GABRB1: variants seen among roughly 807,000 people sequenced by gnomAD.
GABRB1 encodes the protein gamma-aminobutyric acid receptor subunit beta-1.
Under a neutral mutation model 51.6 loss-of-function variants are expected in GABRB1, and 17 were observed. The observed-to-expected ratio is 0.33, with a 90% confidence interval of 0.23 to 0.49. GABRB1 has a LOEUF of 0.49. Ranked by LOEUF, GABRB1 falls within the 20% of genes least tolerant of loss-of-function variation. The pLI, the probability that GABRB1 is intolerant of heterozygous loss-of-function variation, is 0.99. For missense variants in GABRB1, 410 were observed against 600.6 expected, an observed-to-expected ratio of 0.68 and a Z score of 3.32; for synonymous variants, 247 against 218.9, an observed-to-expected ratio of 1.13 and a Z score of -1.14.
chr4:47,414,729 G>A (rs1289191548), intron 8 of GABRB1, among the ~76,000 whole-genome samples: 1 of 152,124 alleles, frequency 6.6e-6, no homozygotes, highest in African/African-American at 2.4e-5. Context: ...TGTTCTCCAT[G>A]GTAAGTCACC....
At chr4:47,419,974 C>T (rs370173029) in intron 8 of GABRB1, among the ~76,000 whole-genome samples, 32 of 152,170 alleles carry the variant, frequency 2.1e-4, no homozygotes, top group African/African-American at 7.2e-4. Flanking sequence ...TTAATAATTA[C>T]ATTCATTTTC....
chr4:47,319,976 G>T (rs960769081), intron 4 of GABRB1, 151 bp from the exon 5 acceptor site: 1 of 662,122 alleles, frequency 1.5e-6, no homozygotes, highest in African/African-American at 1.8e-5. Context: ...ATTTGTTGAC[G>T]TATAATTATT....
intron 5 of GABRB1, among the ~76,000 whole-genome samples, chr4:47,370,483 T>C (rs1395252126): frequency 9.5e-6 from 1 of 104,970 alleles, no homozygotes. Flanking sequence ...CGAGACTCCA[T>C]CTCAAAAAAA....
At chr4:47,279,053 A>G (rs542951601) in intron 4 of GABRB1, among the ~76,000 whole-genome samples, 15 of 152,180 alleles carry the variant, frequency 9.9e-5, no homozygotes, top group East Asian at 3.9e-4. Flanking sequence ...CTAAGCATAG[A>G]TAAGCCCTTG....
chr4:47,316,739 A>G (rs2109959087), intron 4 of GABRB1, among the ~76,000 whole-genome samples: 1 of 152,042 alleles, frequency 6.6e-6, no homozygotes, highest in African/African-American at 2.4e-5. Flanking sequence ...TTCTTGGCAC[A>G]GGGGTTGGGG....
chr4:47,150,646 T>TACACACAC (rs142996228), intron 3 of GABRB1, among the ~76,000 whole-genome samples: 1 of 149,032 alleles, frequency 6.7e-6, no homozygotes, highest in Non-Finnish European at 1.5e-5. Flanking sequence ...GCCACATATA[T>TACACACAC]ATACACACAC....
chr4:47,346,725 G>C (rs1264570045), intron 5 of GABRB1, among the ~76,000 whole-genome samples: 2 of 152,240 alleles, frequency 1.3e-5, no homozygotes, highest in African/African-American at 4.8e-5. Context: ...CCGTGCCAAT[G>C]CTATAGGCAG....
At chr4:47,292,443 T>G (rs1369802971) in intron 4 of GABRB1, among the ~76,000 whole-genome samples, 1 of 152,206 alleles carries the variant, frequency 6.6e-6, no homozygotes. Context: ...AAATTATAAT[T>G]GAAAATACTT....
intron 4 of GABRB1, among the ~76,000 whole-genome samples, chr4:47,234,343 C>T (rs778810015): frequency 1.3e-5 from 2 of 151,842 alleles, no homozygotes; most frequent in East Asian, 1.9e-4. Context: ...CAAAATTAGC[C>T]GGGCATGGTG....
At chr4:47,295,087 A>C (rs1481402584) in intron 4 of GABRB1, among the ~76,000 whole-genome samples, 1 of 152,186 alleles carries the variant, frequency 6.6e-6, no homozygotes, top group Non-Finnish European at 1.5e-5. Context: ...GAAAGGACAT[A>C]CACAACAAAA....
chr4:47,300,177 A>C (rs1460544676), intron 4 of GABRB1, among the ~76,000 whole-genome samples: 1 of 152,072 alleles, frequency 6.6e-6, no homozygotes, highest in Non-Finnish European at 1.5e-5. Flanking sequence ...CTAGCACAGC[A>C]CATGTATACA....
chr4:47,028,155 A>G (rs1266074206), upstream of GABRB1, among the ~76,000 whole-genome samples: 1 of 151,684 alleles, frequency 6.6e-6, no homozygotes, highest in Non-Finnish European at 1.5e-5. Context: ...TGGTCACTTA[A>G]TTATTTTTTT....
intron 3 of GABRB1, among the ~76,000 whole-genome samples, chr4:47,132,095 T>C (rs1345939172): frequency 6.6e-6 from 1 of 152,138 alleles, no homozygotes; most frequent in Non-Finnish European, 1.5e-5. Context: ...AATGCAGGGG[T>C]ATTGAAGAAG....
rs560201930 is a variant in GABRB1, at chr4:47,257,942, GA to G, written c.462-62179del. On this transcript the variant is annotated intron_variant, in intron 4 of 8. Coordinates refer to ENST00000295454, the MANE Select transcript of GABRB1 (RefSeq NM_000812.4). ...AGACAACCAATTAAAAGAGTATGGGGAAAAAATGAGACCAAATGGAGCAAAG... is the reference window on the plus strand; with the variant it reads ...AGACAACCAATTAAAAGAGTATGGGGAAAAATGAGACCAAATGGAGCAAAG... 5.3e-5 allele frequency among the ~76,000 whole-genome samples: 8 copies of G among 151,954 alleles called. No individual in the cohort carries two copies. The East Asian group carries it at 1.5e-3, about 29-fold the overall frequency.
chr4:47,236,895 G>A (rs1011119332), intron 4 of GABRB1, among the ~76,000 whole-genome samples: 1 of 152,084 alleles, frequency 6.6e-6, no homozygotes. Flanking sequence ...GTTGTTCTTT[G>A]TAAACACTGG....
chr4:47,192,551 T>C (rs1011916751), intron 4 of GABRB1, among the ~76,000 whole-genome samples: 3 of 152,212 alleles, frequency 2.0e-5, no homozygotes, highest in African/African-American at 7.2e-5. Context: ...AAGATGTCCA[T>C]ACTATCAAAA....
chr4:47,223,611 G>A (rs1720846105), intron 4 of GABRB1, among the ~76,000 whole-genome samples: 1 of 152,046 alleles, frequency 6.6e-6, no homozygotes, highest in African/African-American at 2.4e-5. Flanking sequence ...TTAAGAAAAT[G>A]TTAAGGATAT....
At chr4:47,300,968 C>A (rs1724237578) in intron 4 of GABRB1, among the ~76,000 whole-genome samples, 1 of 152,086 alleles carries the variant, frequency 6.6e-6, no homozygotes, top group South Asian at 2.1e-4. Flanking sequence ...AACCTGTTAG[C>A]CATTTGTATA....
intron 5 of GABRB1, among the ~76,000 whole-genome samples, chr4:47,356,746 A>G (rs1194906709): frequency 6.6e-6 from 1 of 152,164 alleles, no homozygotes; most frequent in East Asian, 1.9e-4. Flanking sequence ...CCATCCCGTA[A>G]TGTTCATTGA....
Sources: gnomAD v4.1 joint callset for allele counts (sites outside exome capture counted in the v4.1 genomes callset) on GRCh38, gnomAD v4.1.1 for gene constraint, MANE v1.5 for transcripts, NCBI Gene and HGNC (gene_info 2026-07-23, HGNC 2026-07-21) for gene names.